Variants in KLF3 observed in about 807,000 individuals in gnomAD.
KLF3 encodes Krueppel-like factor 3.
KLF3 carries 6 observed loss-of-function variants against 32.7 expected under a neutral mutation model. The ratio of observed to expected loss-of-function variants is 0.18; its 90% CI spans 0.10 to 0.36. KLF3 has a LOEUF of 0.36. Among genes scored for constraint, KLF3 ranks in the 10% least tolerant of loss-of-function variants. The pLI is 1.00. For missense variants in KLF3, 338 were observed against 449.7 expected, an observed-to-expected ratio of 0.75 and a Z score of 2.25; for synonymous variants, 145 against 172.8, an observed-to-expected ratio of 0.84 and a Z score of 1.26.
chr4:38,671,084 C>T lies in KLF3; in HGVS notation c.-40+6623C>T, dbSNP rs915012820. Among the ~76,000 whole-genome samples, 10 of 152,342 alleles carry T rather than the reference C, an allele frequency of 6.6e-5. No homozygotes were observed. The highest frequency in any genetic ancestry group is 1.9e-4 in the East Asian group (1 of 5,186). ...ACTGGGGAAAGACCCCAGCATTAGG[C>T]GATTTTACCTAAAAGTCGGTCCCAC... On this transcript the variant is annotated intron_variant, in intron 1 of 5. Transcript: ENST00000261438. This position sits in a 1 kb window ranked among gnomAD's most constrained non-coding sequence, Gnocchi z 4.4.
intron 2 of KLF3, among the ~76,000 whole-genome samples, chr4:38,687,649 G>C (rs1418154370): frequency 1.3e-5 from 2 of 152,164 alleles, no homozygotes; most frequent in Non-Finnish European, 2.9e-5. Context: ...AGAACACAGG[G>C]CCTCAGCTTG....
intron 2 of KLF3, among the ~76,000 whole-genome samples, chr4:38,684,328 T>C (rs549708761): frequency 2.6e-5 from 4 of 152,318 alleles, no homozygotes; most frequent in Non-Finnish European, 5.9e-5. Flanking sequence ...AAAAACCTGC[T>C]AAGAGAGTGT....
intron 2 of KLF3, among the ~76,000 whole-genome samples, chr4:38,686,060 T>A (rs1722686251): frequency 6.6e-6 from 1 of 152,230 alleles, no homozygotes; most frequent in Non-Finnish European, 1.5e-5. Flanking sequence ...TTTTCTTCAT[T>A]TGATCCTTGA....
At position 38,698,219 on chromosome 4, in the gene KLF3, A is replaced by C. The variant is rs1723106109; in HGVS notation, c.*956A>C. ...AACATTGATAGTAGGGACTCCATGG[A>C]ATATTTGCCCAGTAATGGTAAGAAA... On this transcript the variant is annotated 3_prime_UTR_variant, in exon 6 of 6. Coordinates refer to ENST00000261438, the MANE Select transcript of KLF3 (RefSeq NM_016531.6). 1 of 152,306 alleles carries C rather than the reference A, an allele frequency of 6.6e-6. No individual in the cohort carries two copies. Among genetic ancestry groups the C allele is most frequent in the Non-Finnish European group, 1.5e-5 (1 of 68,040 alleles). The allele number at this position is 152,306 out of a possible 1,614,324, so 9.4% of individuals were successfully genotyped here. A position where few individuals can be genotyped will look rare whatever the true frequency, so the allele number is the denominator to read the frequency against.
chr4:38,689,190 A>C, intron 3 of KLF3, 119 bp downstream of exon 3: 14 of 1,270,580 alleles, frequency 1.1e-5, no homozygotes, highest in Admixed American at 2.4e-5. Context: ...GGAAATACTC[A>C]TCTGCCTAAG....
rs60339860 is a variant in KLF3 at position 38,669,893 on chromosome 4, C to CAAAAAAAAAAAAAAA, written c.-40+5448_-40+5462dup. On this transcript the variant is annotated intron_variant, in intron 1 of 5. Coordinates refer to ENST00000261438, the MANE Select transcript of KLF3 (RefSeq NM_016531.6). Reference sequence around the variant, plus strand: ...GGGCAACAAGAGTGAGACTCTGTCTCAAAAAAAAAAAAAAAAAAAAAAAAA... The same window carrying CAAAAAAAAAAAAAAA: ...GGGCAACAAGAGTGAGACTCTGTCTCAAAAAAAAAAAAAAAAAAAAAAAAAAAAAAAAAAAAAAAA... Among the ~76,000 whole-genome samples, 10 of 41,178 alleles carry CAAAAAAAAAAAAAAA rather than the reference C, an allele frequency of 2.4e-4. 1 individual carries two copies. The highest frequency in any genetic ancestry group is 3.6e-4 in the African/African-American group (4 of 10,966). The allele number at this position is 41,178 out of a possible 152,430, so 27.0% of individuals were successfully genotyped here. A position where few individuals can be genotyped will look rare whatever the true frequency, so the allele number is the denominator to read the frequency against.
At chr4:38,680,911 G>A (rs894002609) in intron 2 of KLF3, 8 of 377,520 alleles carry the variant, frequency 2.1e-5, no homozygotes, top group Non-Finnish European at 3.1e-5. Flanking sequence ...TTAGCCGGGC[G>A]TGGTGGCACA....
At chr4:38,673,713 G>A (rs1359870514) in intron 1 of KLF3, among the ~76,000 whole-genome samples, 1 of 152,084 alleles carries the variant, frequency 6.6e-6, no homozygotes, top group African/African-American at 2.4e-5. Flanking sequence ...GCCTCAGTTT[G>A]GAAACTTGTC....
intron 1 of KLF3, 114 bp from the exon 2 acceptor site, chr4:38,680,473 C>CA: frequency 1.8e-6 from 1 of 548,934 alleles, no homozygotes; most frequent in East Asian, 3.1e-5. Flanking sequence ...CTCAGCCTCT[C>CA]AAAGTGCTGG....
At chr4:38,683,279 C>A (rs1336685159) in intron 2 of KLF3, among the ~76,000 whole-genome samples, 1 of 152,060 alleles carries the variant, frequency 6.6e-6, no homozygotes, top group Admixed American at 6.6e-5. Context: ...ACTTATTTCT[C>A]CCCCTCTTCC....
At chr4:38,684,058 CT>C (rs887983940) in intron 2 of KLF3, among the ~76,000 whole-genome samples, 1 of 152,140 alleles carries the variant, frequency 6.6e-6, no homozygotes, top group African/African-American at 2.4e-5. Flanking sequence ...TGGACATTCA[CT>C]TTTTTTCATG....
Position 38,685,314 on chromosome 4 carries a change from A to T in KLF3, c.58-3271A>T, listed in dbSNP as rs531736964. Among the ~76,000 whole-genome samples the T allele has an allele frequency of 1.7e-4, 26 of 152,318 alleles. No individual in the cohort carries two copies. The South Asian group carries it at 5.2e-3, about 30-fold the overall frequency. Reference sequence around the variant, plus strand: ...GAGGCAGTTGGGCTGGAAACAGTTAATTATCTGCCCAGAGTTGGGTGTCTG... The same window carrying T: ...GAGGCAGTTGGGCTGGAAACAGTTATTTATCTGCCCAGAGTTGGGTGTCTG... On this transcript the variant is annotated intron_variant, in intron 2 of 5. Transcript: ENST00000261438.
At chr4:38,676,956 GTTTTTTT>G (rs34392158) in intron 1 of KLF3, among the ~76,000 whole-genome samples, 3 of 105,532 alleles carry the variant, frequency 2.8e-5, no homozygotes, top group Non-Finnish European at 5.6e-5. Flanking sequence ...GTGCCAGTGT[GTTTTTTT>G]TTTTTTTTTT....
At chr4:38,687,325 T>A (rs1438111659) in intron 2 of KLF3, among the ~76,000 whole-genome samples, 2 of 152,220 alleles carry the variant, frequency 1.3e-5, no homozygotes, top group Non-Finnish European at 2.9e-5. Flanking sequence ...TTAATTTTTT[T>A]AAATTAAAAA....
Position 38,671,667 on chromosome 4 carries a change from A to G in KLF3, c.-40+7206A>G, listed in dbSNP as rs1722202867. 1.3e-5 allele frequency among the ~76,000 whole-genome samples: 2 copies of G among 152,288 alleles called. No homozygotes were observed. The highest frequency in any genetic ancestry group is 4.8e-5 in the African/African-American group (2 of 41,564). ...TACCTTGGGTTCAAGTCCTGGCTCTACGAGTTAGCAGCTGTGTGATGTTAG... is the reference window on the plus strand; with the variant it reads ...TACCTTGGGTTCAAGTCCTGGCTCTGCGAGTTAGCAGCTGTGTGATGTTAG... On this transcript the variant is annotated intron_variant, in intron 1 of 5. Transcript: ENST00000261438. The surrounding 1 kb of genome is among the most constrained non-coding windows in gnomAD (Gnocchi z 4.4).
chr4:38,696,208 A>C (rs1035951496), intron 5 of KLF3, among the ~76,000 whole-genome samples: 9 of 134,748 alleles, frequency 6.7e-5, no homozygotes, highest in Middle Eastern at 7.1e-3. Context: ...AAAAAAAAAA[A>C]CGCCTCTTTG....
intron 4 of KLF3, among the ~76,000 whole-genome samples, chr4:38,693,752 GTGAA>G (rs1316591140): frequency 6.6e-6 from 1 of 152,198 alleles, no homozygotes; most frequent in African/African-American, 2.4e-5. Context: ...CATTAGGAAA[GTGAA>G]TGAGCAGATT....
At chr4:38,690,648 C>T (rs547227987) in intron 4 of KLF3, 2 of 152,298 alleles carry the variant, frequency 1.3e-5, no homozygotes, top group East Asian at 3.9e-4. Flanking sequence ...GCATTGGATT[C>T]AGCAGCCAGC....
In KLF3 at chr4:38,701,375, A is replaced by ACTTGG. The variant is rs140766094; in HGVS notation, c.*4116_*4117insGCTTG. 6.6e-6 allele frequency among the ~76,000 whole-genome samples: 1 copy of ACTTGG among 152,110 alleles called. No homozygotes were observed. The highest frequency in any genetic ancestry group is 1.5e-5 in the Non-Finnish European group (1 of 68,002). On this transcript the variant is annotated 3_prime_UTR_variant, in exon 6 of 6. Coordinates refer to ENST00000261438, the MANE Select transcript of KLF3 (RefSeq NM_016531.6). The stretch of plus-strand genomic sequence containing the variant: ...GAACCCCTGCCTGCTTCCAAAAAGA[A>ACTTGG]CTTGCAGCATTTTGTATTAAAAGAC...
Sources: gnomAD v4.1 joint callset for allele counts (sites outside exome capture counted in the v4.1 genomes callset) on GRCh38, gnomAD v4.1.1 for gene constraint, Gnocchi (gnomAD v3.1) non-coding constraint, MANE v1.5 for transcripts, NCBI Gene and HGNC (gene_info 2026-07-23, HGNC 2026-07-21) for gene names.